DNAJC1: variants seen among roughly 807,000 people sequenced by gnomAD.
DNAJC1 encodes dnaJ homolog subfamily C member 1.
A neutral mutation model predicts 76.6 loss-of-function variants in DNAJC1; 58 were observed. The observed-to-expected ratio is 0.76, with a 90% CI of 0.61 to 0.94. DNAJC1 has a LOEUF of 0.94. Among genes scored for constraint, DNAJC1 ranks in the 40% least tolerant of loss-of-function variants. The pLI is 0.00. For missense variants in DNAJC1, 689 were observed against 677.3 expected, an observed-to-expected ratio of 1.02 and a Z score of -0.19; for synonymous variants, 258 against 267.9, an observed-to-expected ratio of 0.96 and a Z score of 0.36.
At chr10:21,836,071 A>G (rs1360454372) in intron 8 of DNAJC1, among the ~76,000 whole-genome samples, 1 of 152,230 alleles carries the variant, frequency 6.6e-6, no homozygotes. Context: ...AAGGGCAGCC[A>G]GAGAGAAAGG....
At chr10:21,955,341 GA>G (rs1052177869) in intron 1 of DNAJC1, among the ~76,000 whole-genome samples, 38 of 152,244 alleles carry the variant, frequency 2.5e-4, no homozygotes, top group African/African-American at 8.4e-4. Context: ...AAAATTATAT[GA>G]GGGGCAAACC....
intron 8 of DNAJC1, among the ~76,000 whole-genome samples, chr10:21,836,860 C>A (rs914042915): frequency 1.3e-5 from 2 of 152,188 alleles, no homozygotes; most frequent in African/African-American, 4.8e-5. Flanking sequence ...GAGACTTAGA[C>A]TCCCACACAA....
At chr10:21,975,589 G>GA (rs1188231250) in intron 1 of DNAJC1, among the ~76,000 whole-genome samples, 1 of 152,138 alleles carries the variant, frequency 6.6e-6, no homozygotes, top group Non-Finnish European at 1.5e-5. Flanking sequence ...GTGGCAAATT[G>GA]AACTGTGCAA....
intron 9 of DNAJC1, among the ~76,000 whole-genome samples, chr10:21,768,241 CAT>C (rs1158665557): frequency 6.6e-6 from 1 of 152,128 alleles, no homozygotes; most frequent in Non-Finnish European, 1.5e-5. Flanking sequence ...TGGCTGTAAA[CAT>C]GTGCTATTAT....
intron 11 of DNAJC1, among the ~76,000 whole-genome samples, chr10:21,758,592 G>A (rs1200290147): frequency 2.6e-5 from 4 of 152,250 alleles, no homozygotes; most frequent in African/African-American, 2.4e-5. Context: ...CTGTCGCCTG[G>A]CACTGACCAC....
chr10:21,777,962 T>C (rs991836416), intron 9 of DNAJC1, among the ~76,000 whole-genome samples: 28 of 152,168 alleles, frequency 1.8e-4, no homozygotes, highest in African/African-American at 6.7e-4. Context: ...CCAAGGCGGG[T>C]GGATCACCTG....
intron 6 of DNAJC1, among the ~76,000 whole-genome samples, chr10:21,909,968 A>G (rs534081777): frequency 6.6e-6 from 1 of 152,228 alleles, no homozygotes; most frequent in Admixed American, 6.5e-5. Context: ...TAAATGCTGT[A>G]AAGTTAGTAT....
intron 1 of DNAJC1, among the ~76,000 whole-genome samples, chr10:22,001,981 T>C (rs1838525018): frequency 1.3e-5 from 2 of 152,214 alleles, no homozygotes; most frequent in African/African-American, 4.8e-5. Flanking sequence ...CATATGAATC[T>C]GAAGTGTGAA....
intron 8 of DNAJC1, among the ~76,000 whole-genome samples, chr10:21,819,707 A>G (rs1835126179): frequency 6.6e-6 from 1 of 152,062 alleles, no homozygotes; most frequent in Non-Finnish European, 1.5e-5. Context: ...AGGCGGGTAG[A>G]TCACCTGAGG....
At chr10:21,793,363 T>G (rs535556163) in intron 9 of DNAJC1, among the ~76,000 whole-genome samples, 1 of 152,150 alleles carries the variant, frequency 6.6e-6, no homozygotes, top group Admixed American at 6.5e-5. Context: ...AAATAATACT[T>G]AATGGTGAAA....
Position 22,003,247 on chromosome 10 carries a change from T to G in DNAJC1, c.188A>C (p.Gln63Pro), listed in dbSNP as rs1289761647. 1.9e-6 allele frequency: 3 copies of G among 1,570,236 alleles called. No homozygotes were observed. Among genetic ancestry groups the G allele is most frequent in the Non-Finnish European group, 1.7e-6 (2 of 1,160,520 alleles). Residue 63 changes from glutamine (Q) to proline (P), a missense_variant, in exon 1 of 12, where the codon CAG becomes CCG. Gln to Pro is a moderately conservative substitution (Grantham distance 76). Coordinates refer to ENST00000376980, the MANE Select transcript of DNAJC1 (RefSeq NM_022365.4). ...LELFDLVEEV[Q>P]LNFYQFLGVQ... ...CCCGAGGAACTGGTAGAAGTTGAGC[T>G]GCACCTCCTCCACTAAGTCAAACAA...
At chr10:21,941,162 G>C (rs370696451) in intron 1 of DNAJC1, among the ~76,000 whole-genome samples, 1 of 149,948 alleles carries the variant, frequency 6.7e-6, no homozygotes, top group African/African-American at 2.5e-5. Flanking sequence ...CCAGCTACTC[G>C]GGAGGCTGAG....
chr10:21,782,635 C>T (rs534428422), intron 9 of DNAJC1, among the ~76,000 whole-genome samples: 8 of 152,234 alleles, frequency 5.3e-5, no homozygotes, highest in Non-Finnish European at 7.4e-5. Flanking sequence ...TGATGAACAT[C>T]GATGCAAAAA....
rs1435710592 is a variant in DNAJC1 at position 21,826,247 on chromosome 10, A to AAAAAAAAAAAAG, written c.979-20149_979-20148insCTTTTTTTTTTT. ...GAATGAGACTTTGTCCAAAAAAAAA[A>AAAAAAAAAAAAG]AAGAAGAAGAGGAGACGAAAATATA... On this transcript the variant is annotated intron_variant, in intron 8 of 11. Transcript: ENST00000376980. 1.2e-3 allele frequency among the ~76,000 whole-genome samples: 188 copies of AAAAAAAAAAAAG among 151,264 alleles called. 1 individual carries two copies. Among genetic ancestry groups the AAAAAAAAAAAAG allele is most frequent in the African/African-American group, 4.2e-3 (174 of 41,138 alleles).
chr10:21,828,819 C>T (rs966314717), intron 8 of DNAJC1, among the ~76,000 whole-genome samples: 10 of 152,142 alleles, frequency 6.6e-5, no homozygotes, highest in Non-Finnish European at 1.2e-4. Flanking sequence ...TCATGATACA[C>T]ATATTTAATT....
chr10:21,921,570 A>G (rs1358304866), intron 3 of DNAJC1, among the ~76,000 whole-genome samples: 8 of 152,002 alleles, frequency 5.3e-5, no homozygotes, highest in Non-Finnish European at 2.9e-5. Context: ...CTCCCAAATT[A>G]AAAAGAGATG....
intron 8 of DNAJC1, among the ~76,000 whole-genome samples, chr10:21,879,639 A>C (rs1836240332): frequency 6.6e-6 from 1 of 152,146 alleles, no homozygotes; most frequent in African/African-American, 2.4e-5. Flanking sequence ...AATAATAATA[A>C]TTTAAAAAAA....
At chr10:21,809,975 AT>A (rs1834938844) in intron 8 of DNAJC1, among the ~76,000 whole-genome samples, 1 of 150,472 alleles carries the variant, frequency 6.6e-6, no homozygotes, top group Non-Finnish European at 1.5e-5. Flanking sequence ...GGTGGGGGGA[AT>A]GGGGGAGTCT....
At chr10:21,830,746 C>T (rs1241310665) in intron 8 of DNAJC1, among the ~76,000 whole-genome samples, 3 of 152,014 alleles carry the variant, frequency 2.0e-5, no homozygotes, top group African/African-American at 7.2e-5. Context: ...CTATATTTTC[C>T]ATCCTTATCT....
Sources: allele counts gnomAD v4.1 joint callset (sites outside exome capture counted in the v4.1 genomes callset), GRCh38; gene constraint gnomAD v4.1.1; transcripts MANE v1.5; gene names NCBI Gene and HGNC (gene_info 2026-07-23, HGNC 2026-07-21).